Variants in FAM178B observed in about 807,000 individuals in gnomAD.
The protein encoded by FAM178B is protein FAM178B.
FAM178B carries 82 observed loss-of-function variants against 91.7 expected under a neutral mutation model. That is an observed-to-expected ratio of 0.89 (90% confidence interval 0.75 to 1.07). The LOEUF is 1.07. Among genes scored for constraint, FAM178B ranks in the 50% least tolerant of loss-of-function variants. The pLI, the probability that FAM178B is intolerant of heterozygous loss-of-function variation, is 0.00. For missense variants in FAM178B, 769 were observed against 846.7 expected (o/e 0.91, Z 1.14); for synonymous variants, 368 against 359.4 (o/e 1.02, Z -0.27).
intron 12 of FAM178B, among the ~76,000 whole-genome samples, chr2:96,920,833 G>C (rs1312524324): frequency 6.6e-6 from 1 of 152,206 alleles, no homozygotes; most frequent in Non-Finnish European, 1.5e-5. Context: ...TGGGAGTCGG[G>C]TGATCAGGGG....
intron 1 of FAM178B, among the ~76,000 whole-genome samples, chr2:96,982,980 G>A (rs2082381990): frequency 6.6e-6 from 1 of 151,752 alleles, no homozygotes; most frequent in African/African-American, 2.4e-5. Context: ...TTGAGCCGAA[G>A]CAATCCGCCT....
intron 5 of FAM178B, among the ~76,000 whole-genome samples, chr2:96,967,182 TC>T (rs1346936104): frequency 2.0e-5 from 3 of 152,082 alleles, no homozygotes. Flanking sequence ...GGTCGTAACC[TC>T]CCCTTGAAAG....
intron 13 of FAM178B, chr2:96,895,293 T>C (rs1005144390): frequency 1.9e-5 from 7 of 371,602 alleles, no homozygotes; most frequent in African/African-American, 1.5e-4. Context: ...CCAACACCTG[T>C]GTTCAGTTTT....
intron 8 of FAM178B, among the ~76,000 whole-genome samples, chr2:96,946,544 C>T (rs2081832051): frequency 6.6e-6 from 1 of 152,222 alleles, no homozygotes; most frequent in African/African-American, 2.4e-5. Flanking sequence ...GTAGTGGCCA[C>T]AGGAGATGCT....
At chr2:96,917,009 G>A (rs1021697859) in intron 12 of FAM178B, among the ~76,000 whole-genome samples, 2 of 152,034 alleles carry the variant, frequency 1.3e-5, no homozygotes, top group African/African-American at 4.8e-5. Flanking sequence ...TGAGTACAAC[G>A]CGGCAGGAAA....
At chr2:96,913,129 G>A (rs941571458) in intron 12 of FAM178B, among the ~76,000 whole-genome samples, 4 of 152,338 alleles carry the variant, frequency 2.6e-5, no homozygotes, top group Admixed American at 6.5e-5. Context: ...TTTTGGGAGA[G>A]GCAGGACTGC....
intron 5 of FAM178B, among the ~76,000 whole-genome samples, chr2:96,962,932 G>A (rs2082101636): frequency 6.6e-6 from 1 of 152,186 alleles, no homozygotes; most frequent in African/African-American, 2.4e-5. Flanking sequence ...AGAGGCTGCT[G>A]GCTTTGTACA....
chr2:96,966,180 G>T (rs2082140730), intron 5 of FAM178B, among the ~76,000 whole-genome samples: 2 of 152,000 alleles, frequency 1.3e-5, no homozygotes, highest in African/African-American at 4.8e-5. Flanking sequence ...CACACGCCAG[G>T]TGCACTCCCA....
At chr2:96,957,658 G>C (rs2082019348) in intron 6 of FAM178B, among the ~76,000 whole-genome samples, 1 of 152,218 alleles carries the variant, frequency 6.6e-6, no homozygotes, top group Non-Finnish European at 1.5e-5. Flanking sequence ...CTCCAAGGCT[G>C]AAGCAGCCCA....
intron 12 of FAM178B, among the ~76,000 whole-genome samples, chr2:96,914,308 A>C (rs1462250094): frequency 6.6e-6 from 1 of 152,218 alleles, no homozygotes; most frequent in Non-Finnish European, 1.5e-5. Context: ...AGCAGAGACC[A>C]CCATGATGAG....
At chr2:96,905,032 A>G (rs2081004645) in intron 12 of FAM178B, among the ~76,000 whole-genome samples, 1 of 149,082 alleles carries the variant, frequency 6.7e-6, no homozygotes, top group African/African-American at 2.5e-5. Context: ...TAGTGCTGGG[A>G]TTACAGGCAA....
intron 5 of FAM178B, among the ~76,000 whole-genome samples, 174 bp from the exon 6 acceptor site, chr2:96,960,614 C>G (rs865839327): frequency 6.6e-6 from 1 of 152,162 alleles, no homozygotes; most frequent in Non-Finnish European, 1.5e-5. Flanking sequence ...CACCTAGGCA[C>G]GCAGGAGCCC....
At chr2:96,927,366 A>G (rs1265360074) in intron 9 of FAM178B, among the ~76,000 whole-genome samples, 1 of 152,208 alleles carries the variant, frequency 6.6e-6, no homozygotes, top group Non-Finnish European at 1.5e-5. Context: ...TGCGGCTGTC[A>G]GCCAGGTCCT....
At chr2:96,956,131 C>T (rs1349980513) in intron 6 of FAM178B, among the ~76,000 whole-genome samples, 3 of 152,260 alleles carry the variant, frequency 2.0e-5, no homozygotes, top group Admixed American at 1.3e-4. Flanking sequence ...ACAAACTCCA[C>T]CCTTCCAACT....
intron 14 of FAM178B, among the ~76,000 whole-genome samples, chr2:96,880,376 T>G (rs990065774): frequency 1.3e-5 from 2 of 150,266 alleles, no homozygotes; most frequent in Non-Finnish European, 3.0e-5. Flanking sequence ...GGGGACAACC[T>G]GGGGGGCAGA....
intron 8 of FAM178B, among the ~76,000 whole-genome samples, chr2:96,930,861 G>A (rs1235599489): frequency 6.6e-6 from 1 of 152,176 alleles, no homozygotes; most frequent in Non-Finnish European, 1.5e-5. Context: ...GCCTGAGGGA[G>A]CTGGTTGCCC....
intron 14 of FAM178B, among the ~76,000 whole-genome samples, chr2:96,884,983 A>G (rs1240596895): frequency 6.6e-6 from 1 of 152,252 alleles, no homozygotes; most frequent in African/African-American, 2.4e-5. Flanking sequence ...GGGTCCCAGA[A>G]GACACAGGGC....
intron 5 of FAM178B, among the ~76,000 whole-genome samples, chr2:96,963,471 A>G (rs1260200017): frequency 1.3e-5 from 2 of 152,236 alleles, no homozygotes; most frequent in African/African-American, 4.8e-5. Context: ...AACATCAGAC[A>G]GGAAGCAGCA....
intron 6 of FAM178B, among the ~76,000 whole-genome samples, chr2:96,953,898 G>GAGGA (rs1378798753): frequency 1.3e-5 from 2 of 152,216 alleles, no homozygotes; most frequent in Non-Finnish European, 2.9e-5. Flanking sequence ...GGGAAAGGAG[G>GAGGA]AGGATCCCAA....
Sources: gnomAD v4.1 joint callset for allele counts (sites outside exome capture counted in the v4.1 genomes callset) on GRCh38, gnomAD v4.1.1 for gene constraint, MANE v1.5 for transcripts, NCBI Gene and HGNC (gene_info 2026-07-23, HGNC 2026-07-21) for gene names.